Variants in CSMD1 observed in about 807,000 individuals in gnomAD.
CSMD1 encodes the protein CUB and sushi domain-containing protein 1.
CSMD1 carries 213 observed loss-of-function variants against 417.5 expected under a neutral mutation model. The observed-to-expected ratio is 0.51, with a 90% CI of 0.46 to 0.57. The LOEUF is 0.57. Among genes scored for constraint, CSMD1 ranks in the 20% least tolerant of loss-of-function variants. The probability of loss-of-function intolerance (pLI) is 0.00; values close to 1 mark genes in which losing one functional copy is unlikely to be tolerated. For synonymous variants in CSMD1, 2,862 were observed against 1,736.8 expected (o/e 1.65, Z -16.11); for missense variants, 6,923 against 4,529.7 (o/e 1.53, Z -15.17).
At chr8:3,928,706 T>C (rs1180756870) in intron 5 of CSMD1, among the ~76,000 whole-genome samples, 5 of 150,354 alleles carry the variant, frequency 3.3e-5, no homozygotes, top group African/African-American at 7.4e-5. Context: ...TCTTTGGATC[T>C]ATGCTATTTC....
At chr8:3,254,727 C>T (rs1018813449) in intron 26 of CSMD1, among the ~76,000 whole-genome samples, 4 of 152,140 alleles carry the variant, frequency 2.6e-5, no homozygotes, top group Non-Finnish European at 5.9e-5. Flanking sequence ...TCCGTCAGGT[C>T]CTTTAAGGAC....
intron 2 of CSMD1, among the ~76,000 whole-genome samples, chr8:4,507,715 C>T (rs1017076786): frequency 6.6e-6 from 1 of 152,108 alleles, no homozygotes; most frequent in South Asian, 2.1e-4. Flanking sequence ...GAGAAAATGA[C>T]ATTTTCAAGC....
intron 3 of CSMD1, among the ~76,000 whole-genome samples, chr8:4,101,163 C>A (rs940149375): frequency 6.6e-6 from 1 of 152,228 alleles, no homozygotes; most frequent in Non-Finnish European, 1.5e-5. Flanking sequence ...TCTATACTGT[C>A]TATGAGTCCA....
chr8:3,943,265 A>G (rs778639148), intron 5 of CSMD1, among the ~76,000 whole-genome samples: 15 of 152,012 alleles, frequency 9.9e-5, no homozygotes, highest in Admixed American at 6.6e-5. Flanking sequence ...TTAGTTCTAT[A>G]TTTTATAAAG....
intron 1 of CSMD1, among the ~76,000 whole-genome samples, chr8:4,657,224 T>C (rs781601309): frequency 6.6e-6 from 1 of 152,086 alleles, no homozygotes; most frequent in Non-Finnish European, 1.5e-5. Flanking sequence ...CTTTCACACC[T>C]GGTTGAGCAG....
chr8:4,785,364 C>T (rs1193480314), intron 1 of CSMD1, among the ~76,000 whole-genome samples: 1 of 152,074 alleles, frequency 6.6e-6, no homozygotes, highest in Non-Finnish European at 1.5e-5. Context: ...GAGGTGGTCT[C>T]AGAGCTGGTA....
At chr8:3,634,638 C>G (rs186523598) in intron 7 of CSMD1, among the ~76,000 whole-genome samples, 39 of 152,056 alleles carry the variant, frequency 2.6e-4, no homozygotes, top group Non-Finnish European at 5.4e-4. Flanking sequence ...TTACTTAACT[C>G]GAGAGTGGTA....
rs771917352 is a variant in CSMD1, at chr8:3,190,055, C to G, written c.5255G>C (p.Arg1752Thr). The stretch of plus-strand genomic sequence containing the variant: ...GCCGGCAGAAAACTCAGAACCAATT[C>G]TCCTTCCGTATCTGGGCTCGGGGAC... ...SSVPEPRYGR[R>T]IGSEFSAGSI... Residue 1752 changes from arginine (R) to threonine (T), a missense_variant, in exon 34 of 70, where the codon AGA becomes ACA. Physicochemically the swap from Arg to Thr is moderately conservative, Grantham distance 71. Coordinates refer to ENST00000635120, the MANE Select transcript of CSMD1 (RefSeq NM_033225.6). 6 of 1,595,792 alleles carry G rather than the reference C, an allele frequency of 3.8e-6. No individual in the cohort carries two copies. Among genetic ancestry groups the G allele is most frequent in the Non-Finnish European group, 5.1e-6 (6 of 1,171,364 alleles).
At chr8:3,347,065 T>C (rs1479209652) in intron 22 of CSMD1, among the ~76,000 whole-genome samples, 1 of 152,208 alleles carries the variant, frequency 6.6e-6, no homozygotes, top group African/African-American at 2.4e-5. Flanking sequence ...ACACTAAAGA[T>C]AACTGATAAG....
chr8:3,037,047 C>A (rs1810728244), intron 50 of CSMD1, among the ~76,000 whole-genome samples: 1 of 152,130 alleles, frequency 6.6e-6, no homozygotes, highest in Admixed American at 6.5e-5. Context: ...TAGATGGGCT[C>A]CCACTTAAAA....
In CSMD1 at chr8:4,313,491, T is replaced by G. The variant is rs1336976177; in HGVS notation, c.415+106462A>C. Among the ~76,000 whole-genome samples the G allele has an allele frequency of 2.3e-5, 3 of 129,684 alleles. No homozygotes were observed. In the East Asian group the frequency reaches 7.0e-4, roughly 30 times the overall value. The allele number at this position is 129,684 out of a possible 152,430, so 85.1% of individuals were successfully genotyped here. On this transcript the variant is annotated intron_variant, in intron 3 of 69. Coordinates refer to ENST00000635120, the MANE Select transcript of CSMD1 (RefSeq NM_033225.6). The stretch of plus-strand genomic sequence containing the variant: ...CAGGAACCCGAAGAGCTCCCAAAGG[T>G]CTTACATGTCAAAATGAAAAAAAAA...
chr8:4,894,119 T>A (rs1055944735), intron 1 of CSMD1, among the ~76,000 whole-genome samples: 4 of 152,050 alleles, frequency 2.6e-5, no homozygotes, highest in African/African-American at 9.7e-5. Flanking sequence ...GCGCACTGTA[T>A]CCCATACATT....
At chr8:3,912,562 G>C (rs141444498) in intron 5 of CSMD1, among the ~76,000 whole-genome samples, 1 of 152,160 alleles carries the variant, frequency 6.6e-6, no homozygotes, top group South Asian at 2.1e-4. Flanking sequence ...CTGCCAAGGT[G>C]GTTTTGGAGA....
At chr8:3,202,269 T>G (rs1267777747) in intron 31 of CSMD1, among the ~76,000 whole-genome samples, 1 of 152,234 alleles carries the variant, frequency 6.6e-6, no homozygotes, top group Non-Finnish European at 1.5e-5. Flanking sequence ...CCATGATGAT[T>G]TGATGAGGAA....
intron 5 of CSMD1, among the ~76,000 whole-genome samples, chr8:3,798,964 T>TTA (rs1361919629): frequency 6.6e-6 from 1 of 152,026 alleles, no homozygotes; most frequent in Admixed American, 6.6e-5. Flanking sequence ...GTAGATCCAT[T>TTA]TATATATATG....
intron 7 of CSMD1, among the ~76,000 whole-genome samples, chr8:3,628,774 T>G (rs985870977): frequency 6.6e-6 from 1 of 152,140 alleles, no homozygotes; most frequent in Non-Finnish European, 1.5e-5. Context: ...TACAGCCAAA[T>G]TATTAGTGGC....
intron 51 of CSMD1, among the ~76,000 whole-genome samples, chr8:3,026,873 A>G (rs1237180407): frequency 1.3e-5 from 2 of 152,182 alleles, no homozygotes; most frequent in Non-Finnish European, 2.9e-5. Context: ...TATCCCTTCC[A>G]TAGAGGGTCT....
chr8:4,746,067 G>C (rs1430097678), intron 1 of CSMD1, among the ~76,000 whole-genome samples: 3 of 152,194 alleles, frequency 2.0e-5, no homozygotes, highest in Admixed American at 6.5e-5. Flanking sequence ...TTTTGTTACT[G>C]TCAGCCCCTC....
At chr8:3,028,276 C>G (rs1810092353) in intron 51 of CSMD1, among the ~76,000 whole-genome samples, 2 of 152,178 alleles carry the variant, frequency 1.3e-5, no homozygotes, top group Admixed American at 6.5e-5. Context: ...GGTGCTAATG[C>G]TGGAATCTCC....
Sources: gnomAD v4.1 joint callset for allele counts (sites outside exome capture counted in the v4.1 genomes callset) on GRCh38, gnomAD v4.1.1 for gene constraint, MANE v1.5 for transcripts, NCBI Gene and HGNC (gene_info 2026-07-23, HGNC 2026-07-21) for gene names.